Variants in DLG2 observed in about 807,000 individuals in gnomAD.
DLG2 encodes the protein disks large homolog 2.
Under a neutral mutation model 132.5 loss-of-function variants are expected in DLG2, and 45 were observed. The ratio of observed to expected loss-of-function variants is 0.34; its 90% CI spans 0.27 to 0.44. DLG2 has a LOEUF of 0.44. Ranked by LOEUF, DLG2 falls within the 20% of genes least tolerant of loss-of-function variation. The pLI is 1.00. For synonymous variants in DLG2, 424 were observed against 419.6 expected, an observed-to-expected ratio of 1.01 and a Z score of -0.13; for missense variants, 1,045 against 1,196.9, an observed-to-expected ratio of 0.87 and a Z score of 1.87.
At chr11:84,818,374 TA>T (rs2077300336) in intron 6 of DLG2, among the ~76,000 whole-genome samples, 1 of 151,966 alleles carries the variant, frequency 6.6e-6, no homozygotes, top group African/African-American at 2.4e-5. Flanking sequence ...TTTTAAGAAA[TA>T]AAAACCCTCA....
chr11:84,538,355 T>A (rs190011554), intron 6 of DLG2, among the ~76,000 whole-genome samples: 2 of 152,328 alleles, frequency 1.3e-5, no homozygotes, highest in Non-Finnish European at 2.9e-5. Context: ...CATGGAAATC[T>A]TTTTTACCCA....
At chr11:84,215,307 T>A (rs1189510402) in intron 8 of DLG2, among the ~76,000 whole-genome samples, 1 of 152,192 alleles carries the variant, frequency 6.6e-6, no homozygotes, top group Non-Finnish European at 1.5e-5. Context: ...TGAAGGATAA[T>A]CCAGAAATCT....
rs551918159 is a variant in DLG2, at chr11:85,446,279, A to G, written c.40+152378T>C. Among the ~76,000 whole-genome samples the G allele has an allele frequency of 3.9e-4, 60 of 152,346 alleles. 1 individual carries two copies. The highest frequency in any genetic ancestry group is 8.7e-4 in the Non-Finnish European group (59 of 68,028). On this transcript the variant is annotated intron_variant, in intron 3 of 27. Transcript: ENST00000376104. ...AAATGTACAATCTAATCATGTTGAA[A>G]GATCAAATCTAGAATAAGCCCTATC...
chr11:84,040,271 T>C (rs925823825), intron 11 of DLG2, among the ~76,000 whole-genome samples: 43 of 152,128 alleles, frequency 2.8e-4, no homozygotes, highest in Non-Finnish European at 5.6e-4. Flanking sequence ...TTGCTTTTGG[T>C]GTTTTGGACA....
chr11:84,782,906 G>A (rs957406900), intron 6 of DLG2, among the ~76,000 whole-genome samples: 4 of 151,900 alleles, frequency 2.6e-5, no homozygotes, highest in African/African-American at 9.7e-5. Context: ...GTACCTTTCT[G>A]GCAGTCCTCA....
At chr11:83,608,710 A>G (rs1475937335) in intron 19 of DLG2, among the ~76,000 whole-genome samples, 1 of 151,074 alleles carries the variant, frequency 6.6e-6, no homozygotes, top group Non-Finnish European at 1.5e-5. Flanking sequence ...AAATCAGGAC[A>G]CACACACACA....
chr11:84,999,320 T>A (rs569913623), intron 6 of DLG2, among the ~76,000 whole-genome samples: 22 of 152,286 alleles, frequency 1.4e-4, no homozygotes, highest in African/African-American at 5.3e-4. Context: ...TGCTTAGATT[T>A]CCTCATCTAA....
chr11:84,192,775 A>C (rs1383255553), intron 8 of DLG2, among the ~76,000 whole-genome samples: 1 of 152,082 alleles, frequency 6.6e-6, no homozygotes, highest in Non-Finnish European at 1.5e-5. Flanking sequence ...GAAGTAAGGA[A>C]ATTTAAATCA....
At chr11:84,300,237 A>G (rs2098136856) in intron 7 of DLG2, among the ~76,000 whole-genome samples, 1 of 152,236 alleles carries the variant, frequency 6.6e-6, no homozygotes, top group African/African-American at 2.4e-5. Context: ...TTTAATGTCC[A>G]TATTGCACTC....
chr11:83,843,349 A>G (rs2058009602), intron 16 of DLG2, among the ~76,000 whole-genome samples: 1 of 152,070 alleles, frequency 6.6e-6, no homozygotes, highest in African/African-American at 2.4e-5. Flanking sequence ...GCCAGGTACA[A>G]TCTCCTCTCT....
chr11:83,786,861 T>G, intron 17 of DLG2, 69 bp from the exon 18 acceptor site: 2 of 1,399,294 alleles, frequency 1.4e-6, no homozygotes, highest in Middle Eastern at 3.6e-4. Context: ...AGAAAAAAGT[T>G]TCCCAAAACC....
intron 7 of DLG2, among the ~76,000 whole-genome samples, chr11:84,376,470 A>T (rs1017781784): frequency 6.6e-6 from 1 of 151,976 alleles, no homozygotes; most frequent in African/African-American, 2.4e-5. Flanking sequence ...TAGGGTTTAA[A>T]GGACTGAGAA....
intron 4 of DLG2, among the ~76,000 whole-genome samples, chr11:85,178,921 A>T (rs944997236): frequency 6.6e-6 from 1 of 151,928 alleles, no homozygotes; most frequent in Non-Finnish European, 1.5e-5. Context: ...AAGGAGGATG[A>T]AGAGAACGCT....
intron 17 of DLG2, among the ~76,000 whole-genome samples, chr11:83,811,824 T>C (rs907406284): frequency 1.3e-5 from 2 of 152,180 alleles, no homozygotes; most frequent in Non-Finnish European, 2.9e-5. Flanking sequence ...TGTGATATAT[T>C]ACTGAGCAAA....
At chr11:85,107,787 A>G (rs1402013345) in intron 6 of DLG2, among the ~76,000 whole-genome samples, 1 of 151,946 alleles carries the variant, frequency 6.6e-6, no homozygotes, top group Non-Finnish European at 1.5e-5. Flanking sequence ...AAACTGCCAC[A>G]CTTTTCACTA....
chr11:84,441,063 TTTGA>T (rs1434610446), intron 7 of DLG2, among the ~76,000 whole-genome samples: 2 of 151,962 alleles, frequency 1.3e-5, no homozygotes, highest in African/African-American at 4.8e-5. Context: ...GTACAAAGAT[TTTGA>T]TTGGTTTGTT....
chr11:83,932,041 T>C (rs1278198781), intron 14 of DLG2, among the ~76,000 whole-genome samples: 2 of 152,236 alleles, frequency 1.3e-5, no homozygotes, highest in Non-Finnish European at 2.9e-5. Context: ...CCAGTTTCTT[T>C]TGTTGATTGT....
intron 4 of DLG2, among the ~76,000 whole-genome samples, chr11:85,268,303 C>G (rs1280505778): frequency 6.6e-6 from 1 of 152,172 alleles, no homozygotes. Flanking sequence ...TAATCAGAAA[C>G]TTAAAAGAAT....
Position 84,324,470 on chromosome 11 carries a change from C to G in DLG2, c.520-73179G>C, listed in dbSNP as rs534753445. On this transcript the variant is annotated intron_variant, in intron 7 of 27. Coordinates refer to ENST00000376104, the MANE Select transcript of DLG2 (RefSeq NM_001142699.3). ...GTAGCTTTGTAATATATTTTTAAATCAGGAGGTATCAAGTTTTCAGATTTA... is the reference window on the plus strand; with the variant it reads ...GTAGCTTTGTAATATATTTTTAAATGAGGAGGTATCAAGTTTTCAGATTTA... Among the ~76,000 whole-genome samples, 6 of 152,076 alleles carry G rather than the reference C, an allele frequency of 3.9e-5. No homozygotes were observed. The South Asian group carries it at 6.2e-4, about 16-fold the overall frequency.
Sources: allele counts gnomAD v4.1 joint callset (sites outside exome capture counted in the v4.1 genomes callset), GRCh38; gene constraint gnomAD v4.1.1; transcripts MANE v1.5; gene names NCBI Gene and HGNC (gene_info 2026-07-23, HGNC 2026-07-21).